The following PARD3 variants were observed in gnomAD, a reference collection of about 807,000 sequenced individuals.
The protein encoded by PARD3 is partitioning defective 3 homolog.
Under a neutral mutation model 155.4 loss-of-function variants are expected in PARD3, and 75 were observed. The ratio of observed to expected loss-of-function variants is 0.48; its 90% CI spans 0.40 to 0.58. PARD3 has a LOEUF of 0.58. Among genes scored for constraint, PARD3 ranks in the 20% least tolerant of loss-of-function variants. The probability of loss-of-function intolerance (pLI) is 0.00; values close to 1 mark genes in which losing one functional copy is unlikely to be tolerated. For synonymous variants in PARD3, 576 were observed against 610.5 expected, an observed-to-expected ratio of 0.94 and a Z score of 0.83; for missense variants, 1,642 against 1,721.7, an observed-to-expected ratio of 0.95 and a Z score of 0.82.
At chr10:34,384,335 A>G (rs1270646183) in intron 7 of PARD3, 81 bp from the exon 8 acceptor site, 5 of 1,268,514 alleles carry the variant, frequency 3.9e-6, no homozygotes, top group East Asian at 2.4e-5. Flanking sequence ...TGCTGTTATT[A>G]TATTTACAAA....
At chr10:34,177,541 C>T (rs180909795) in intron 22 of PARD3, among the ~76,000 whole-genome samples, 13 of 152,336 alleles carry the variant, frequency 8.5e-5, no homozygotes, top group East Asian at 1.9e-4. Context: ...AGTCATTCTT[C>T]GTTCTCTCCG....
At chr10:34,374,658 G>A (rs994620248) in intron 11 of PARD3, among the ~76,000 whole-genome samples, 1 of 152,170 alleles carries the variant, frequency 6.6e-6, no homozygotes, top group Non-Finnish European at 1.5e-5. Flanking sequence ...ACAGTCTGAT[G>A]TTTAAGTACC....
chr10:34,345,033 T>A (rs1837256992), intron 15 of PARD3: 2 of 985,018 alleles, frequency 2.0e-6, no homozygotes, highest in African/African-American at 3.5e-5. Context: ...GAATAAGATC[T>A]GGAGACTTTC....
At chr10:34,181,772 T>G (rs1016009923) in intron 22 of PARD3, among the ~76,000 whole-genome samples, 1 of 152,090 alleles carries the variant, frequency 6.6e-6, no homozygotes, top group South Asian at 2.1e-4. Context: ...GCAGGAAATA[T>G]TGTGTTTGAC....
intron 2 of PARD3, among the ~76,000 whole-genome samples, chr10:34,592,531 T>C (rs2088806086): frequency 6.6e-6 from 1 of 152,190 alleles, no homozygotes; most frequent in Admixed American, 6.5e-5. Flanking sequence ...ATCCCAGCAC[T>C]GTGGGAGGCC....
At chr10:34,728,441 G>A (rs560133112) in intron 1 of PARD3, among the ~76,000 whole-genome samples, 2 of 152,080 alleles carry the variant, frequency 1.3e-5, no homozygotes, top group African/African-American at 2.4e-5. Flanking sequence ...CTGCAATGAC[G>A]CAGGGGCACT....
In PARD3 at chr10:34,579,226, C is replaced by T. The variant is rs1244618246; in HGVS notation, c.223-62067G>A. On this transcript the variant is annotated intron_variant, in intron 2 of 24. Transcript: ENST00000374788. ...CAGAGGTTGCAGTGAGCCAAGATCGCGCCACTGCGCTCCAGCCTGGGCAAC... is the reference window on the plus strand; with the variant it reads ...CAGAGGTTGCAGTGAGCCAAGATCGTGCCACTGCGCTCCAGCCTGGGCAAC... Among the ~76,000 whole-genome samples the T allele has an allele frequency of 7.9e-5, 12 of 151,368 alleles. No individual in the cohort carries two copies. The South Asian group carries it at 1.0e-3, about 13-fold the overall frequency.
At chr10:34,423,271 T>G (rs971590361) in intron 5 of PARD3, among the ~76,000 whole-genome samples, 3 of 152,094 alleles carry the variant, frequency 2.0e-5, no homozygotes, top group African/African-American at 7.2e-5. Context: ...CTAAAAACAC[T>G]GAACTCATCA....
At chr10:34,146,240 A>G (rs1445343585) in intron 22 of PARD3, among the ~76,000 whole-genome samples, 1 of 152,176 alleles carries the variant, frequency 6.6e-6, no homozygotes, top group East Asian at 1.9e-4. Context: ...ATTTTCAAAT[A>G]GCTTAAATGT....
chr10:34,672,742 A>G (rs2093631638), intron 2 of PARD3, among the ~76,000 whole-genome samples: 1 of 152,248 alleles, frequency 6.6e-6, no homozygotes, highest in Admixed American at 6.5e-5. Flanking sequence ...GGAAATATGT[A>G]TTAATCCTCT....
intron 22 of PARD3, among the ~76,000 whole-genome samples, chr10:34,214,461 C>T (rs751954223): frequency 2.6e-5 from 4 of 152,118 alleles, no homozygotes; most frequent in Non-Finnish European, 4.4e-5. Flanking sequence ...GGTGGTGATG[C>T]CCGTTTCTGG....
In PARD3 at chr10:34,791,139, C is replaced by T. The variant is rs188389873; in HGVS notation, c.120+23737G>A. Among the ~76,000 whole-genome samples, 4 of 152,358 alleles carry T rather than the reference C, an allele frequency of 2.6e-5. No homozygotes were observed. The East Asian group carries it at 7.7e-4, about 29-fold the overall frequency. ...CTGTTTCCAGTAAGAGCATTCAAAA[C>T]CTGGCTAGACATAAACTATCACTGT... On this transcript the variant is annotated intron_variant, in intron 1 of 24. Transcript: ENST00000374788.
chr10:34,169,202 T>C (rs917571154), intron 22 of PARD3, among the ~76,000 whole-genome samples: 1 of 152,246 alleles, frequency 6.6e-6, no homozygotes, highest in African/African-American at 2.4e-5. Context: ...TCAATTTCTA[T>C]GTGCTGTGCA....
At chr10:34,749,471 TATAATAAA>T (rs1835720459) in intron 1 of PARD3, among the ~76,000 whole-genome samples, 2 of 151,242 alleles carry the variant, frequency 1.3e-5, no homozygotes, top group Non-Finnish European at 2.9e-5. Flanking sequence ...ATAAAAAATA[TATAATAAA>T]ATAATAAACT....
chr10:34,228,852 G>A (rs188740306), intron 22 of PARD3, among the ~76,000 whole-genome samples: 10 of 152,154 alleles, frequency 6.6e-5, no homozygotes, highest in South Asian at 2.1e-4. Context: ...TATTACGCAC[G>A]TGTGTTTCTG....
Position 34,227,782 on chromosome 10 carries a change from T to C in PARD3, c.3419+41875A>G, listed in dbSNP as rs560308119. On this transcript the variant is annotated intron_variant, in intron 22 of 24. Transcript: ENST00000374788. ...CAGTTTGGAGATTTCTCAAAGAACT[T>C]AGAGCTACCATTCAACTCAGCAATC... 2.7e-5 allele frequency among the ~76,000 whole-genome samples: 4 copies of C among 147,156 alleles called. No individual in the cohort carries two copies. The South Asian group carries it at 6.4e-4, about 23-fold the overall frequency.
At chr10:34,408,979 C>T (rs1195000955) in intron 5 of PARD3, among the ~76,000 whole-genome samples, 23 of 152,006 alleles carry the variant, frequency 1.5e-4, no homozygotes, top group Admixed American at 1.5e-3. Flanking sequence ...CTGAACAAAG[C>T]TCAACATCAA....
At chr10:34,312,222 G>A in intron 20 of PARD3, 2 of 1,535,656 alleles carry the variant, frequency 1.3e-6, no homozygotes, top group South Asian at 2.4e-5. Context: ...CCATCAAACT[G>A]CTGATGTCGT....
At chr10:34,809,160 C>G (rs1843756298) in intron 1 of PARD3, among the ~76,000 whole-genome samples, 1 of 152,328 alleles carries the variant, frequency 6.6e-6, no homozygotes, top group South Asian at 2.1e-4. Context: ...ACACACCAAA[C>G]CTTAAAGTCC....
Sources: gnomAD v4.1 joint callset for allele counts (sites outside exome capture counted in the v4.1 genomes callset) on GRCh38, gnomAD v4.1.1 for gene constraint, MANE v1.5 for transcripts, NCBI Gene and HGNC (gene_info 2026-07-23, HGNC 2026-07-21) for gene names.